Variants in PDLIM5 observed in about 807,000 individuals in gnomAD.
PDLIM5 encodes PDZ and LIM domain protein 5.
A neutral mutation model predicts 64.2 loss-of-function variants in PDLIM5; 34 were observed. The observed-to-expected ratio is 0.53, with a 90% CI of 0.40 to 0.71. The LOEUF (loss-of-function observed/expected upper bound fraction) is 0.71. PDLIM5 is among the 30% of genes least tolerant of loss of function. PDLIM5 has a pLI of 0.00. For missense variants in PDLIM5, 683 were observed against 733.6 expected, an observed-to-expected ratio of 0.93 and a Z score of 0.80; for synonymous variants, 253 against 269.1, an observed-to-expected ratio of 0.94 and a Z score of 0.59.
At chr4:94,465,694 C>T (rs1013258311) in intron 2 of PDLIM5, among the ~76,000 whole-genome samples, 2 of 152,128 alleles carry the variant, frequency 1.3e-5, no homozygotes, top group East Asian at 1.9e-4. Flanking sequence ...CCACCTTGCC[C>T]AGCCAGGAAG....
intron 2 of PDLIM5, among the ~76,000 whole-genome samples, chr4:94,459,516 A>G (rs1037302794): frequency 6.6e-6 from 1 of 152,240 alleles, no homozygotes. Flanking sequence ...ACAGAGAAGG[A>G]CAGAATTGTG....
chr4:94,499,452 G>A (rs997231030), intron 2 of PDLIM5, among the ~76,000 whole-genome samples: 4 of 152,060 alleles, frequency 2.6e-5, no homozygotes, highest in African/African-American at 9.7e-5. Flanking sequence ...TTCTGCATCT[G>A]TGGATTGAAA....
intron 2 of PDLIM5, among the ~76,000 whole-genome samples, chr4:94,511,598 AACACACAC>A (rs58356643): frequency 2.7e-5 from 4 of 149,528 alleles, no homozygotes; most frequent in Non-Finnish European, 4.5e-5. Flanking sequence ...CATCCCCCCC[AACACACAC>A]ACACACACAC....
At chr4:94,486,911 G>A (rs969813167) in intron 2 of PDLIM5, among the ~76,000 whole-genome samples, 1 of 152,136 alleles carries the variant, frequency 6.6e-6, no homozygotes, top group Admixed American at 6.5e-5. Flanking sequence ...GCTGAGGCAG[G>A]AGGATCACTT....
At chr4:94,639,594 G>A (rs1415446611) in intron 8 of PDLIM5, among the ~76,000 whole-genome samples, 1 of 152,156 alleles carries the variant, frequency 6.6e-6, no homozygotes, top group Admixed American at 6.5e-5. Flanking sequence ...GTGACTGGTT[G>A]CACAGTCTCC....
rs777588711 is a variant in PDLIM5 at position 94,657,507 on chromosome 4, T to A, written c.1545T>A (p.Asn515Lys). 1.2e-5 allele frequency: 19 copies of A among 1,610,762 alleles called. No individual in the cohort carries two copies. The South Asian group carries it at 1.9e-4, about 16-fold the overall frequency. ...CVACGKPIRN[N>K]VFHLEDGEPY... ...CCTGTGGAAAGCCCATTCGGAACAA[T>A]GTTTTTCACTTGGAGGATGGTGAAC... is the stretch of plus-strand genomic sequence containing the variant. The change falls in exon 11 of 13, where the codon AAT (asparagine) becomes AAA (lysine). Residue 515 changes from asparagine to lysine, a missense_variant. Transcript: ENST00000317968.
intron 8 of PDLIM5, among the ~76,000 whole-genome samples, chr4:94,620,028 C>G (rs905523785): frequency 1.3e-5 from 2 of 152,152 alleles, no homozygotes; most frequent in Non-Finnish European, 2.9e-5. Context: ...ACCTTTTATA[C>G]TTTGGCCCCT....
chr4:94,641,349 A>G (rs536996475), intron 9 of PDLIM5, among the ~76,000 whole-genome samples: 2 of 152,334 alleles, frequency 1.3e-5, no homozygotes, highest in South Asian at 4.1e-4. Context: ...GTTTCTAGGT[A>G]ATATTTAAAA....
intron 7 of PDLIM5, among the ~76,000 whole-genome samples, chr4:94,604,596 T>C (rs1737763743): frequency 6.6e-6 from 1 of 152,130 alleles, no homozygotes. Flanking sequence ...ATTGTGCCAC[T>C]GTACTCCAGC....
chr4:94,543,056 C>T (rs1232322399), intron 3 of PDLIM5, among the ~76,000 whole-genome samples: 2 of 152,166 alleles, frequency 1.3e-5, no homozygotes, highest in Non-Finnish European at 2.9e-5. Flanking sequence ...GATGAAGGTG[C>T]TTTGCATACT....
intron 2 of PDLIM5, among the ~76,000 whole-genome samples, chr4:94,461,003 C>G (rs1012027998): frequency 1.3e-5 from 2 of 152,182 alleles, no homozygotes; most frequent in Admixed American, 1.3e-4. Flanking sequence ...CACAGTTGAA[C>G]AGTGGTCTTT....
At chr4:94,499,655 A>G (rs557996199) in intron 2 of PDLIM5, among the ~76,000 whole-genome samples, 2 of 152,194 alleles carry the variant, frequency 1.3e-5, no homozygotes, top group Non-Finnish European at 2.9e-5. Context: ...ACTAGTCCCC[A>G]GTCCCCGGGT....
At position 94,633,667 on chromosome 4, in the gene PDLIM5, G is replaced by T. The variant is rs1162978870; in HGVS notation, c.1109-6609G>T. Among the ~76,000 whole-genome samples, 3 of 152,168 alleles carry T rather than the reference G, an allele frequency of 2.0e-5. No homozygotes were observed. In the East Asian group the frequency reaches 5.8e-4, roughly 29 times the overall value. ...CTTACTGAGCAATATGCCAGGGACT[G>T]CTGGGTGCTAGGGATAGAGCAATGT... On this transcript the variant is annotated intron_variant, in intron 8 of 12. Transcript: ENST00000317968.
At chr4:94,510,728 C>G (rs1371323293) in intron 2 of PDLIM5, among the ~76,000 whole-genome samples, 1 of 152,044 alleles carries the variant, frequency 6.6e-6, no homozygotes, top group East Asian at 1.9e-4. Context: ...GGAAAATAGG[C>G]TGGCCACAGT....
rs145873082 is a variant in PDLIM5, at chr4:94,514,988, A to T, written c.97-8736A>T. Among the ~76,000 whole-genome samples the T allele has an allele frequency of 4.8e-3, 737 of 152,356 alleles. 6 individuals carry two copies. Among genetic ancestry groups the T allele is most frequent in the African/African-American group, 0.017 (691 of 41,574 alleles). On this transcript the variant is annotated intron_variant, in intron 2 of 12. Transcript: ENST00000317968. Reference sequence around the variant, plus strand: ...CCAAAATAGAAGTATAATATTATTCATCACTTTATGTATAACAACAAAAAA... The same window carrying T: ...CCAAAATAGAAGTATAATATTATTCTTCACTTTATGTATAACAACAAAAAA...
At chr4:94,480,620 G>T (rs529273406) in intron 2 of PDLIM5, among the ~76,000 whole-genome samples, 1 of 152,168 alleles carries the variant, frequency 6.6e-6, no homozygotes. Flanking sequence ...TTGACCAGGG[G>T]TGAAACCTTA....
intron 2 of PDLIM5, among the ~76,000 whole-genome samples, chr4:94,481,290 C>CTTTTT (rs35147211): frequency 7.7e-6 from 1 of 129,636 alleles, no homozygotes; most frequent in Non-Finnish European, 1.6e-5. Flanking sequence ...CAGCTTATTC[C>CTTTTT]TTTTTTTTTT....
intron 3 of PDLIM5, among the ~76,000 whole-genome samples, chr4:94,524,305 G>T (rs10033876): frequency 0.13 from 19,644 of 145,938 alleles, 2,389 homozygotes; most frequent in African/African-American, 0.33. Flanking sequence ...GGAGGTCGAG[G>T]TTGCATTAAG....
chr4:94,488,607 CA>C, intron 2 of PDLIM5, among the ~76,000 whole-genome samples: 1 of 152,078 alleles, frequency 6.6e-6, no homozygotes, highest in Non-Finnish European at 1.5e-5. Flanking sequence ...ATTTTTGATA[CA>C]AAAATTTCAC....
Sources: allele counts gnomAD v4.1 joint callset (sites outside exome capture counted in the v4.1 genomes callset), GRCh38; gene constraint gnomAD v4.1.1; transcripts MANE v1.5; gene names NCBI Gene and HGNC (gene_info 2026-07-23, HGNC 2026-07-21).